Variants in RC3H1 observed in about 807,000 individuals in gnomAD.
The protein encoded by RC3H1 is ring finger and CCCH-type domains 1, also known as roquin-1.
RC3H1 carries 50 observed loss-of-function variants against 138.2 expected under a neutral mutation model. The ratio of observed to expected loss-of-function variants is 0.36; its 90% confidence interval spans 0.29 to 0.46. The LOEUF (loss-of-function observed/expected upper bound fraction) is 0.46. Among genes scored for constraint, RC3H1 ranks in the 20% least tolerant of loss-of-function variants. RC3H1 has a pLI of 1.00. For missense variants in RC3H1, 1,031 were observed against 1,388.1 expected (o/e 0.74, Z 4.09); for synonymous variants, 462 against 489.1 (o/e 0.94, Z 0.73).
In RC3H1 at chr1:173,990,041, C is replaced by T. The variant is rs1030185794; in HGVS notation, c.231+2714G>A. ...GCGCCCGGCCTATTCAAGTTTTAAG[C>T]TACTTTTAAACAACGATTTGTAGTC... On this transcript the variant is annotated intron_variant, in intron 2 of 19. Transcript: ENST00000367696. Among the ~76,000 whole-genome samples, 12 of 151,578 alleles carry T rather than the reference C, an allele frequency of 7.9e-5. No homozygotes were observed. In the East Asian group the frequency reaches 2.3e-3, roughly 30 times the overall value.
rs367653005 is a variant in RC3H1 at position 173,970,512 on chromosome 1, G to A, written c.1327C>T (p.Leu443=). Residue 443 remains leucine, a synonymous_variant, in exon 9 of 20, where the codon CTG becomes TTG. Transcript: ENST00000367696. ...CCTGACTTTCACACTTACTTTTCCA[G>A]TTCCTCCTGTGAGTGTGCAAATGTA... is the stretch of plus-strand genomic sequence containing the variant. The part of the protein sequence containing the change: ...SCTFAHSQEE[L]EKFRKMNKRL... The A allele has an allele frequency of 2.5e-6, 4 of 1,609,574 alleles. No homozygotes were observed. Among genetic ancestry groups the A allele is most frequent in the Non-Finnish European group, 3.4e-6 (4 of 1,176,308 alleles).
At chr1:173,941,752 C>T (rs759863668) in intron 18 of RC3H1, among the ~76,000 whole-genome samples, 2 of 152,004 alleles carry the variant, frequency 1.3e-5, no homozygotes, top group African/African-American at 2.4e-5. Flanking sequence ...GCCAACATGG[C>T]GAAACCCCGT....
chr1:174,008,567 A>G (rs1354410098), intron 1 of RC3H1, among the ~76,000 whole-genome samples: 1 of 152,232 alleles, frequency 6.6e-6, no homozygotes, highest in African/African-American at 2.4e-5. Flanking sequence ...AAAGAACGAA[A>G]AAATTGCTAC....
chr1:173,944,214 C>T (rs1391893157), intron 17 of RC3H1, among the ~76,000 whole-genome samples: 3 of 150,766 alleles, frequency 2.0e-5, no homozygotes, highest in Non-Finnish European at 3.0e-5. Context: ...AAAAACAAGT[C>T]AACTACAGAT....
intron 13 of RC3H1, among the ~76,000 whole-genome samples, chr1:173,952,892 T>C (rs533254398): frequency 1.3e-5 from 2 of 152,332 alleles, no homozygotes; most frequent in South Asian, 2.1e-4. Flanking sequence ...ACAGATGATA[T>C]GACCAAGGCT....
chr1:173,944,754 A>G (rs1474779713), intron 17 of RC3H1, among the ~76,000 whole-genome samples: 1 of 152,252 alleles, frequency 6.6e-6, no homozygotes, highest in Non-Finnish European at 1.5e-5. Flanking sequence ...CAATGGCGAA[A>G]GCAGACAAAA....
At chr1:173,972,064 A>C (rs960272930) in intron 8 of RC3H1, among the ~76,000 whole-genome samples, 1 of 152,194 alleles carries the variant, frequency 6.6e-6, no homozygotes, top group African/African-American at 2.4e-5. Context: ...GAATGAAAAA[A>C]ATCTTAAAAT....
chr1:173,947,606 A>C, intron 14 of RC3H1, 24 bp from the exon 15 acceptor site: 1 of 1,577,618 alleles, frequency 6.3e-7, no homozygotes, highest in Non-Finnish European at 8.7e-7. Context: ...AAAATGAGAA[A>C]TTACCCCACA....
At chr1:173,984,096 T>C (rs1467143617) in intron 3 of RC3H1, among the ~76,000 whole-genome samples, 3 of 152,216 alleles carry the variant, frequency 2.0e-5, no homozygotes, top group South Asian at 4.1e-4. Context: ...GCCTATAGCA[T>C]AGCATATAAA....
chr1:173,979,706 G>A (rs1009486295), intron 6 of RC3H1, among the ~76,000 whole-genome samples: 44 of 152,090 alleles, frequency 2.9e-4, no homozygotes, highest in African/African-American at 9.2e-4. Context: ...AGGTAGAAAG[G>A]TACTCCTCTA....
chr1:173,994,922 G>A (rs1458943533), intron 1 of RC3H1, among the ~76,000 whole-genome samples: 2 of 151,376 alleles, frequency 1.3e-5, no homozygotes, highest in African/African-American at 4.9e-5. Flanking sequence ...ATAAAAAAAA[G>A]ATAAGTCATT....
chr1:174,012,519 C>G (rs985712333), intron 1 of RC3H1, among the ~76,000 whole-genome samples: 8 of 152,102 alleles, frequency 5.3e-5, no homozygotes, highest in African/African-American at 1.9e-4. Flanking sequence ...CACAGTGGCT[C>G]ACACCTGTAA....
chr1:173,978,043 A>G (rs1373108979), intron 7 of RC3H1, among the ~76,000 whole-genome samples: 2 of 152,198 alleles, frequency 1.3e-5, no homozygotes, highest in African/African-American at 4.8e-5. Context: ...ACGGAGAAGG[A>G]GCAGAAAAAG....
intron 2 of RC3H1, 72 bp downstream of exon 2, chr1:173,992,683 C>CAT: frequency 1.8e-6 from 2 of 1,095,464 alleles, no homozygotes; most frequent in Non-Finnish European, 2.7e-6. Flanking sequence ...CACACACACA[C>CAT]ACACACACAC....
At position 173,981,002 on chromosome 1, in the gene RC3H1, T is replaced by C. The variant is rs1660789614; in HGVS notation, c.776A>G (p.Lys259Arg). ...CATCAAAGAAGAGTCTTCATCACGT[T>C]TGGTGACCTAATAAGACACAAATAA... is the stretch of plus-strand genomic sequence containing the variant. ...LYRASCFKVT[K>R]RDEDSSLMQL... The change falls in exon 6 of 20, where the codon AAA becomes AGA. Residue 259 changes from lysine to arginine, a missense_variant. Physicochemically the swap from Lys to Arg is conservative, Grantham distance 26. This residue lies in a region of RC3H1 where 5 missense variants were observed against 18.5 expected (regional missense o/e 0.27). Transcript: ENST00000367696. The C allele has an allele frequency of 6.2e-7, 1 of 1,613,740 alleles. No individual in the cohort carries two copies. The highest frequency in any genetic ancestry group is 8.5e-7 in the Non-Finnish European group (1 of 1,179,724).
chr1:173,961,270 T>C (rs779549931), intron 12 of RC3H1, 26 bp from the exon 13 acceptor site: 2 of 1,590,120 alleles, frequency 1.3e-6, no homozygotes, highest in Non-Finnish European at 1.7e-6. Context: ...TTAGTTAAAA[T>C]TGAAAGAGAA....
At chr1:174,003,875 ATGGTCT>A (rs1432660250) in intron 1 of RC3H1, among the ~76,000 whole-genome samples, 1 of 151,626 alleles carries the variant, frequency 6.6e-6, no homozygotes, top group East Asian at 2.0e-4. Context: ...GTTAGCCAGG[ATGGTCT>A]TGATCTCCTG....
At chr1:173,981,631 T>A (rs891599556) in intron 5 of RC3H1, among the ~76,000 whole-genome samples, 1 of 152,232 alleles carries the variant, frequency 6.6e-6, no homozygotes, top group African/African-American at 2.4e-5. Context: ...GACAATGAGC[T>A]AGGTGGGACT....
At position 174,017,782 on chromosome 1, in the gene RC3H1, T is replaced by TC. The variant is rs1160149895; in HGVS notation, c.-151+4313dup. 1.6e-4 allele frequency among the ~76,000 whole-genome samples: 7 copies of TC among 42,612 alleles called. No individual in the cohort carries two copies. In the African/African-American group the frequency reaches 1.9e-3, roughly 12 times the overall value. The allele number at this position is 42,612 out of a possible 152,430, so 28.0% of individuals were successfully genotyped here. A position where few individuals can be genotyped will look rare whatever the true frequency, so the allele number is the denominator to read the frequency against. On this transcript the variant is annotated intron_variant, in intron 1 of 19. Coordinates refer to ENST00000367696, the MANE Select transcript of RC3H1 (RefSeq NM_172071.4). ...GACCCCTTTAGAACTCTTTTCTTGC[T>TC]CAAAAAAAAAAAAAAAAAAAAAAAA...
Sources: gnomAD v4.1 joint callset for allele counts (sites outside exome capture counted in the v4.1 genomes callset) on GRCh38, gnomAD v4.1.1 for gene constraint, gnomAD v4.1.1 regional missense constraint, MANE v1.5 for transcripts, NCBI Gene and HGNC (gene_info 2026-07-23, HGNC 2026-07-21) for gene names.